CNR1: variants seen among roughly 807,000 people sequenced by gnomAD.
CNR1 encodes the protein cannabinoid receptor 1.
A neutral mutation model predicts 23.0 loss-of-function variants in CNR1; 10 were observed. That is an observed-to-expected ratio of 0.43 (90% CI 0.27 to 0.74). CNR1 has a LOEUF of 0.74. Among genes scored for constraint, CNR1 ranks in the 30% least tolerant of loss-of-function variants. The probability of loss-of-function intolerance (pLI) is 0.19; values close to 1 mark genes in which losing one functional copy is unlikely to be tolerated. For synonymous variants in CNR1, 271 were observed against 255.2 expected, an observed-to-expected ratio of 1.06 and a Z score of -0.59; for missense variants, 422 against 618.8, an observed-to-expected ratio of 0.68 and a Z score of 3.37.
At chr6:88,150,313 A>G (rs1313642404) in intron 1 of CNR1, among the ~76,000 whole-genome samples, 2 of 152,216 alleles carry the variant, frequency 1.3e-5, no homozygotes, top group Non-Finnish European at 2.9e-5. Context: ...GAGAAAAGTC[A>G]ATCTCTCTCA....
Position 88,145,128 on chromosome 6 carries a change from AG to A in CNR1, c.146del (p.Pro49LeufsTer2). On this transcript the variant is annotated frameshift_variant, in exon 2 of 2. Coordinates refer to ENST00000369501, the MANE Select transcript of CNR1 (RefSeq NM_016083.6). LOFTEE classifies it high-confidence loss of function. ...SKLGYFPQKF[P>X]LTSFRGSPFQ... Reference sequence around the variant, plus strand: ...AGGGACTTCCCCTAAAGGAAGTTAAAGGGAATTTCTGTGGGAAGTACCCTAA... The same window carrying A: ...AGGGACTTCCCCTAAAGGAAGTTAAAGGAATTTCTGTGGGAAGTACCCTAA... 8 of 1,614,218 alleles carry A rather than the reference AG, an allele frequency of 5.0e-6. No individual in the cohort carries two copies. The highest frequency in any genetic ancestry group is 5.9e-6 in the Non-Finnish European group (7 of 1,180,036).
Position 88,142,786 on chromosome 6 carries a change from C to A in CNR1, c.*1070G>T, listed in dbSNP as rs1382767467. 1 of 152,566 alleles carries A rather than the reference C, an allele frequency of 6.6e-6. No individual in the cohort carries two copies. Among genetic ancestry groups the A allele is most frequent in the Non-Finnish European group, 1.5e-5 (1 of 68,032 alleles). 9.5% of individuals were successfully genotyped at this position (152,566 alleles called of 1,614,324 possible). On this transcript the variant is annotated 3_prime_UTR_variant, in exon 2 of 2. Transcript: ENST00000369501. ...ACATACACACATTTATATTCACACT[C>A]ACACACAGTATAATTTTACTGATCC...
At chr6:88,148,987 A>G (rs1165165616) in intron 1 of CNR1, among the ~76,000 whole-genome samples, 1 of 152,140 alleles carries the variant, frequency 6.6e-6, no homozygotes, top group Non-Finnish European at 1.5e-5. Flanking sequence ...GGGCTTCTGA[A>G]CCAGTTCTGC....
chr6:88,157,223 T>A (rs1221817549), intron 1 of CNR1, among the ~76,000 whole-genome samples: 1 of 152,192 alleles, frequency 6.6e-6, no homozygotes, highest in Non-Finnish European at 1.5e-5. Flanking sequence ...ATGCACATTA[T>A]TGTGCATTGA....
rs148770941 is a variant in CNR1 at position 88,148,730 on chromosome 6, T to G, written c.-63-3393A>C. On this transcript the variant is annotated intron_variant, in intron 1 of 1. Coordinates refer to ENST00000369501, the MANE Select transcript of CNR1 (RefSeq NM_016083.6). ...AATGAGCTATATGCAATAAGCAACT[T>G]TGGCTACAGAGAGGCAAACAAGAAT... 4.8e-3 allele frequency among the ~76,000 whole-genome samples: 733 copies of G among 152,288 alleles called. 1 individual carries two copies. The highest frequency in any genetic ancestry group is 0.01 in the South Asian group (49 of 4,830).
intron 1 of CNR1, among the ~76,000 whole-genome samples, chr6:88,153,161 T>G (rs1167664233): frequency 6.6e-6 from 1 of 152,180 alleles, no homozygotes; most frequent in Non-Finnish European, 1.5e-5. Context: ...TCATCTATTC[T>G]TTTTGTCTAT....
chr6:88,159,739 T>C (rs979850980), intron 1 of CNR1, among the ~76,000 whole-genome samples: 2 of 152,216 alleles, frequency 1.3e-5, no homozygotes, highest in Admixed American at 1.3e-4. Context: ...GTTTTTCACA[T>C]GCATACTGCC....
At position 88,143,913 on chromosome 6, in the gene CNR1, G is replaced by T; in HGVS notation, c.1362C>A (p.Val454=). ...CAGACATGGTTACCTTGGCAATCTTGACCGTGCTCTTGATGCAGCTTTCTG... is the reference window on the plus strand; with the variant it reads ...CAGACATGGTTACCTTGGCAATCTTTACCGTGCTCTTGATGCAGCTTTCTG... ...RAAESCIKST[V]KIAKVTMSVS... Residue 454 remains valine, a synonymous_variant, in exon 2 of 2, where the codon GTC becomes GTA. Transcript: ENST00000369501. 1 of 1,614,106 alleles carries T rather than the reference G, an allele frequency of 6.2e-7. No individual in the cohort carries two copies. The highest frequency in any genetic ancestry group is 1.1e-5 in the South Asian group (1 of 91,064).
chr6:88,154,838 C>A (rs1392129605), intron 1 of CNR1, among the ~76,000 whole-genome samples: 5 of 152,212 alleles, frequency 3.3e-5, no homozygotes, highest in Admixed American at 6.5e-5. Context: ...CTCGGCCTCC[C>A]ACAAGTGCTG....
chr6:88,160,239 C>T (rs1332688319), intron 1 of CNR1, among the ~76,000 whole-genome samples: 2 of 151,648 alleles, frequency 1.3e-5, no homozygotes, highest in African/African-American at 4.8e-5. Context: ...TGCAGTGAGC[C>T]GAGATTGTGC....
intron 1 of CNR1, among the ~76,000 whole-genome samples, chr6:88,162,331 G>A (rs1778150934): frequency 6.6e-6 from 1 of 152,140 alleles, no homozygotes; most frequent in African/African-American, 2.4e-5. Context: ...GTTTATACAT[G>A]TAAATAAAAG....
chr6:88,146,741 A>G (rs916331822), intron 1 of CNR1, among the ~76,000 whole-genome samples: 9 of 152,252 alleles, frequency 5.9e-5, no homozygotes, highest in African/African-American at 2.2e-4. Context: ...AATTAAAACA[A>G]TATATTACTT....
intron 1 of CNR1, among the ~76,000 whole-genome samples, chr6:88,152,565 G>A (rs1484165470): frequency 6.6e-6 from 1 of 152,182 alleles, no homozygotes. Context: ...CATGGGTGTG[G>A]TTATATGATA....
chr6:88,164,823 A>G (rs770537725), intron 1 of CNR1, among the ~76,000 whole-genome samples: 1 of 152,222 alleles, frequency 6.6e-6, no homozygotes, highest in Non-Finnish European at 1.5e-5. Flanking sequence ...CCCATTGTTC[A>G]AAAGATATTA....
In CNR1 at chr6:88,142,155, C is replaced by G. The variant is rs1425835231; in HGVS notation, c.*1701G>C. The G allele has an allele frequency of 6.6e-6, 1 of 152,352 alleles. No individual in the cohort carries two copies. The highest frequency in any genetic ancestry group is 1.5e-5 in the Non-Finnish European group (1 of 68,044). 9.4% of individuals were successfully genotyped at this position (152,352 alleles called of 1,614,324 possible). The stretch of plus-strand genomic sequence containing the variant: ...GTTCCTTAGCCCAAACCTACCAAGA[C>G]AGAGCTGGGTGCTCAGCTGTCACCA... On this transcript the variant is annotated 3_prime_UTR_variant, in exon 2 of 2. Transcript: ENST00000369501.
At chr6:88,146,320 G>T (rs1044658051) in intron 1 of CNR1, among the ~76,000 whole-genome samples, 3 of 152,156 alleles carry the variant, frequency 2.0e-5, no homozygotes, top group African/African-American at 7.2e-5. Flanking sequence ...TGGTCGGGCT[G>T]GTCTCAAACT....
At chr6:88,153,384 G>A (rs1191825961) in intron 1 of CNR1, among the ~76,000 whole-genome samples, 3 of 152,158 alleles carry the variant, frequency 2.0e-5, no homozygotes, top group Non-Finnish European at 2.9e-5. Context: ...AAACACTGTA[G>A]AAGTATTGGA....
At chr6:88,164,880 C>T (rs1339878456) in intron 1 of CNR1, among the ~76,000 whole-genome samples, 1 of 152,200 alleles carries the variant, frequency 6.6e-6, no homozygotes, top group Non-Finnish European at 1.5e-5. Flanking sequence ...ACAGAGATAT[C>T]TTTCAACACC....
chr6:88,165,783 G>C lies in CNR1; in HGVS notation c.-64+20C>G, dbSNP rs1347012829. ...GGAGGCGGAAAAAGTATTTCCAAAC[G>C]CAACTCTGCCAGGTCTTACCCTTCG... is the stretch of plus-strand genomic sequence containing the variant. On this transcript the variant is annotated intron_variant, in intron 1 of 1. Coordinates refer to ENST00000369501, the MANE Select transcript of CNR1 (RefSeq NM_016083.6). 1 of 152,496 alleles carries C rather than the reference G, an allele frequency of 6.6e-6. No homozygotes were observed. The highest frequency in any genetic ancestry group is 1.5e-5 in the Non-Finnish European group (1 of 68,206). 9.4% of individuals were successfully genotyped at this position (152,496 alleles called of 1,614,324 possible). A position where few individuals can be genotyped will look rare whatever the true frequency, so the allele number is the denominator to read the frequency against.
Sources: allele counts gnomAD v4.1 joint callset (sites outside exome capture counted in the v4.1 genomes callset), GRCh38; gene constraint gnomAD v4.1.1; transcripts MANE v1.5; gene names NCBI Gene and HGNC (gene_info 2026-07-23, HGNC 2026-07-21).